The following SHISA9 variants were observed in gnomAD, a reference collection of about 807,000 sequenced individuals.
SHISA9 encodes shisa family member 9.
In SHISA9, 13 loss-of-function variants were observed where a neutral mutation model predicts 38.0. That is an observed-to-expected ratio of 0.34 (90% CI 0.22 to 0.54). The LOEUF (loss-of-function observed/expected upper bound fraction) is 0.54. SHISA9 is among the 20% of genes least tolerant of loss of function. SHISA9 has a pLI of 0.91. For synonymous variants in SHISA9, 275 were observed against 242.0 expected, an observed-to-expected ratio of 1.14 and a Z score of -1.27; for missense variants, 538 against 575.8, an observed-to-expected ratio of 0.93 and a Z score of 0.67.
At chr16:12,991,790 G>A (rs771328721) in intron 2 of SHISA9, among the ~76,000 whole-genome samples, 1 of 152,002 alleles carries the variant, frequency 6.6e-6, no homozygotes, top group Non-Finnish European at 1.5e-5. Context: ...CCACCTTGTA[G>A]CACTCAGGTA....
intron 2 of SHISA9, among the ~76,000 whole-genome samples, chr16:12,981,154 C>G (rs569440266): frequency 6.6e-6 from 1 of 152,174 alleles, no homozygotes; most frequent in African/African-American, 2.4e-5. Context: ...AATGTGGATG[C>G]GCAAAGGCCA....
the SHISA9 span, among the ~76,000 whole-genome samples, chr16:13,424,040 A>G: frequency 6.6e-6 from 1 of 152,244 alleles, no homozygotes; most frequent in Non-Finnish European, 1.5e-5. Context: ...TTTGAAGGCA[A>G]TTGATTTGTA....
At chr16:13,372,723 A>T in the SHISA9 span, among the ~76,000 whole-genome samples, 1 of 152,232 alleles carries the variant, frequency 6.6e-6, no homozygotes, top group Non-Finnish European at 1.5e-5. Context: ...CTCTATATGA[A>T]TTACTGCATT....
intron 3 of SHISA9, among the ~76,000 whole-genome samples, chr16:13,212,981 G>C (rs187885828): frequency 6.6e-6 from 1 of 152,278 alleles, no homozygotes; most frequent in South Asian, 2.1e-4. Context: ...TCTGCCTTAC[G>C]TAACTGAAAA....
intron 2 of SHISA9, among the ~76,000 whole-genome samples, chr16:13,087,361 A>C (rs2073724792): frequency 6.6e-6 from 1 of 152,138 alleles, no homozygotes; most frequent in African/African-American, 2.4e-5. Context: ...TTGCTAGGTC[A>C]AATGGTAATT....
the SHISA9 span, among the ~76,000 whole-genome samples, chr16:13,426,877 T>A: frequency 1.1e-4 from 17 of 152,226 alleles, no homozygotes; most frequent in African/African-American, 4.1e-4. Context: ...TACATTATCA[T>A]ACTTAATTTT....
intron 2 of SHISA9, among the ~76,000 whole-genome samples, chr16:12,997,214 C>T (rs904318541): frequency 6.6e-6 from 1 of 151,926 alleles, no homozygotes; most frequent in Non-Finnish European, 1.5e-5. Flanking sequence ...CATCCCATAT[C>T]TGGAGTCACA....
At chr16:13,411,520 C>T in the SHISA9 span, among the ~76,000 whole-genome samples, 1 of 152,222 alleles carries the variant, frequency 6.6e-6, no homozygotes, top group African/African-American at 2.4e-5. Flanking sequence ...GGCTAGCAGT[C>T]CAGGCCGGGA....
At chr16:13,409,525 G>C in the SHISA9 span, among the ~76,000 whole-genome samples, 2 of 152,230 alleles carry the variant, frequency 1.3e-5, no homozygotes, top group Non-Finnish European at 2.9e-5. Context: ...TTTGAGCAGT[G>C]GTGGTGACCC....
chr16:12,982,324 G>T (rs2072249614), intron 2 of SHISA9, among the ~76,000 whole-genome samples: 1 of 152,204 alleles, frequency 6.6e-6, no homozygotes, highest in Admixed American at 6.5e-5. Flanking sequence ...CATATGCCAA[G>T]TGCACAGCTA....
At chr16:13,136,783 T>C (rs186384142) in intron 2 of SHISA9, among the ~76,000 whole-genome samples, 12 of 152,172 alleles carry the variant, frequency 7.9e-5, no homozygotes, top group African/African-American at 2.7e-4. Flanking sequence ...GTCCACACCA[T>C]GTGGAAAAAT....
At position 13,011,919 on chromosome 16, in the gene SHISA9, A is replaced by G. The variant is rs147684301; in HGVS notation, c.691+95104A>G. ...CAACTGACTATAACCTCCACTTCCC[A>G]GGTTCAAGCGATTCTCATGCCTCAG... On this transcript the variant is annotated intron_variant, in intron 2 of 4. Transcript: ENST00000558583. 7.2e-4 allele frequency among the ~76,000 whole-genome samples: 109 copies of G among 151,322 alleles called. 1 individual carries two copies. The highest frequency in any genetic ancestry group is 2.6e-3 in the African/African-American group (106 of 41,164).
chr16:13,067,649 A>C lies in SHISA9; in HGVS notation c.692-135745A>C, dbSNP rs149813407. Among the ~76,000 whole-genome samples the C allele has an allele frequency of 7.3e-3, 1,114 of 152,342 alleles. 5 individuals carry two copies. The highest frequency in any genetic ancestry group is 0.045 in the Middle Eastern group (13 of 292). ...TGACAGAATGAGACCCTGTTTCAAA[A>C]AAGGAAAATTTCAATGCCTTGGCAT... On this transcript the variant is annotated intron_variant, in intron 2 of 4. Transcript: ENST00000558583.
chr16:13,246,797 A>C, the SHISA9 span, among the ~76,000 whole-genome samples: 1 of 152,070 alleles, frequency 6.6e-6, no homozygotes, highest in Non-Finnish European at 1.5e-5. Context: ...GAGTAGCTAG[A>C]ATTTCCTTAA....
the SHISA9 span, among the ~76,000 whole-genome samples, chr16:13,519,465 G>T: frequency 7.9e-5 from 12 of 152,242 alleles, no homozygotes; most frequent in East Asian, 1.7e-3. Flanking sequence ...AAATGCCATT[G>T]CCAAAATGCC....
chr16:13,307,549 A>G, the SHISA9 span, among the ~76,000 whole-genome samples: 4 of 152,184 alleles, frequency 2.6e-5, no homozygotes, highest in Non-Finnish European at 2.9e-5. Flanking sequence ...TGTAGACATG[A>G]CTAATTGGTT....
chr16:13,466,871 A>T, the SHISA9 span, among the ~76,000 whole-genome samples: 2 of 152,326 alleles, frequency 1.3e-5, no homozygotes, highest in Non-Finnish European at 2.9e-5. Flanking sequence ...ACATCATGGT[A>T]CTTAAGTTAT....
chr16:13,303,727 A>C, the SHISA9 span, among the ~76,000 whole-genome samples: 1 of 152,224 alleles, frequency 6.6e-6, no homozygotes, highest in African/African-American at 2.4e-5. Flanking sequence ...TGTTCACTTC[A>C]AAGTGGTTAA....
chr16:13,485,384 T>C, the SHISA9 span, among the ~76,000 whole-genome samples: 9 of 152,348 alleles, frequency 5.9e-5, no homozygotes, highest in Non-Finnish European at 8.8e-5. Context: ...TTCTTTTTTA[T>C]GGGTGCATGG....
Sources: allele counts gnomAD v4.1 joint callset (sites outside exome capture counted in the v4.1 genomes callset), GRCh38; gene constraint gnomAD v4.1.1; transcripts MANE v1.5; gene names NCBI Gene and HGNC (gene_info 2026-07-23, HGNC 2026-07-21).